The following SLC35F3 variants were observed in gnomAD, a reference collection of about 807,000 sequenced individuals.
The protein encoded by SLC35F3 is solute carrier family 35 member F3.
In SLC35F3, 25 loss-of-function variants were observed where a neutral mutation model predicts 49.9. The observed-to-expected ratio is 0.50, with a 90% CI of 0.37 to 0.70. The LOEUF is 0.70. Among genes scored for constraint, SLC35F3 ranks in the 30% least tolerant of loss-of-function variants. SLC35F3 has a pLI of 0.00. For synonymous variants in SLC35F3, 275 were observed against 265.4 expected (o/e 1.04, Z -0.35); for missense variants, 525 against 639.8 (o/e 0.82, Z 1.94).
At chr1:233,920,840 GAGCCAGCAAAAATC>G (rs149724774) in intron 2 of SLC35F3, among the ~76,000 whole-genome samples, 4,206 of 152,324 alleles carry the variant, frequency 0.028, 213 homozygotes, top group African/African-American at 0.096. Context: ...CTCTGACCAA[GAGCCAGCAAAAATC>G]TGAAGCTCTC....
chr1:234,020,401 C>A (rs975192007), intron 2 of SLC35F3, among the ~76,000 whole-genome samples: 6 of 152,200 alleles, frequency 3.9e-5, no homozygotes, highest in Admixed American at 3.3e-4. Context: ...TAGACAGAGG[C>A]AGGCTATTAT....
intron 3 of SLC35F3, among the ~76,000 whole-genome samples, chr1:234,290,559 T>A (rs1668490669): frequency 6.6e-6 from 1 of 151,916 alleles, no homozygotes; most frequent in Middle Eastern, 3.2e-3. Flanking sequence ...TGTCCTGGAG[T>A]TGGATGTCAG....
chr1:234,120,299 A>G (rs1665551612), intron 2 of SLC35F3, among the ~76,000 whole-genome samples: 1 of 152,220 alleles, frequency 6.6e-6, no homozygotes, highest in Non-Finnish European at 1.5e-5. Context: ...AAGTTAAAGT[A>G]TTGGGAGTCA....
chr1:234,022,320 ATTTAC>A (rs1016395568), intron 2 of SLC35F3, among the ~76,000 whole-genome samples: 1 of 152,194 alleles, frequency 6.6e-6, no homozygotes, highest in Non-Finnish European at 1.5e-5. Context: ...AGAGAGATAA[ATTTAC>A]TTTAAGGAAC....
intron 2 of SLC35F3, among the ~76,000 whole-genome samples, chr1:234,136,189 TTCCC>T (rs768115966): frequency 7.2e-5 from 11 of 151,744 alleles, no homozygotes; most frequent in Non-Finnish European, 1.5e-4. Flanking sequence ...CTTCCCTCCC[TTCCC>T]TCCTTTATTT....
At chr1:234,240,938 C>A (rs935199086) in intron 3 of SLC35F3, among the ~76,000 whole-genome samples, 5 of 152,182 alleles carry the variant, frequency 3.3e-5, no homozygotes, top group African/African-American at 1.2e-4. Context: ...ATTGTCATGA[C>A]CTTCCAGGAT....
chr1:234,293,981 G>A (rs1570105), intron 3 of SLC35F3, among the ~76,000 whole-genome samples: 50,008 of 152,016 alleles, frequency 0.33, 8,587 homozygotes, highest in East Asian at 0.54. Flanking sequence ...TCCACAAGTC[G>A]TTATGTCTCT....
chr1:234,268,328 G>T (rs1487101812), intron 3 of SLC35F3, among the ~76,000 whole-genome samples: 2 of 133,128 alleles, frequency 1.5e-5, no homozygotes, highest in Non-Finnish European at 3.2e-5. Context: ...GGCGGCGCGC[G>T]CCTGCAATCG....
At chr1:233,945,374 A>G (rs1662497425) in intron 2 of SLC35F3, among the ~76,000 whole-genome samples, 1 of 152,188 alleles carries the variant, frequency 6.6e-6, no homozygotes, top group African/African-American at 2.4e-5. Context: ...CATTATAACA[A>G]TAAGTGTACT....
At chr1:234,203,544 C>G (rs1177162718) in intron 2 of SLC35F3, among the ~76,000 whole-genome samples, 1 of 152,158 alleles carries the variant, frequency 6.6e-6, no homozygotes, top group Non-Finnish European at 1.5e-5. Flanking sequence ...AACCCCATCT[C>G]TACTAAAAAT....
chr1:233,948,400 A>G (rs1053118644), intron 2 of SLC35F3, among the ~76,000 whole-genome samples: 3 of 152,034 alleles, frequency 2.0e-5, no homozygotes, highest in African/African-American at 4.8e-5. Context: ...TTCCATGTCA[A>G]TCTCAGTGGT....
chr1:234,186,657 T>A (rs1666647205), intron 2 of SLC35F3, among the ~76,000 whole-genome samples: 1 of 152,212 alleles, frequency 6.6e-6, no homozygotes, highest in Admixed American at 6.5e-5. Flanking sequence ...TTGACACAAC[T>A]TGGGTCTGAT....
Position 234,183,289 on chromosome 1 carries a change from C to A in SLC35F3, c.284-48128C>A, listed in dbSNP as rs542656909. On this transcript the variant is annotated intron_variant, in intron 2 of 7. Transcript: ENST00000366618. ...CACCTCAGCCTTCAAAGTGCTGGGA[C>A]TACACGCGTGAGCCACTGCACCTGG... 1.4e-5 allele frequency among the ~76,000 whole-genome samples: 2 copies of A among 143,028 alleles called. 1 individual carries two copies. The highest frequency in any genetic ancestry group is 4.9e-4 in the South Asian group (2 of 4,084). The allele number at this position is 143,028 out of a possible 152,430, so 93.8% of individuals were successfully genotyped here.
intron 2 of SLC35F3, among the ~76,000 whole-genome samples, chr1:233,917,681 G>C (rs1356462488): frequency 6.6e-6 from 1 of 152,110 alleles, no homozygotes; most frequent in Non-Finnish European, 1.5e-5. Flanking sequence ...TTGCACTACT[G>C]TACATTATGT....
rs183361614 is a variant in SLC35F3 at position 234,297,131 on chromosome 1, G to A, written c.609-11970G>A. On this transcript the variant is annotated intron_variant, in intron 3 of 7. Transcript: ENST00000366618. Reference sequence around the variant, plus strand: ...CCACCTCACATCTGTTAGAATGGCTGCCATCATAAGCAAAAGACAACAAGT... The same window carrying A: ...CCACCTCACATCTGTTAGAATGGCTACCATCATAAGCAAAAGACAACAAGT... Among the ~76,000 whole-genome samples the A allele has an allele frequency of 2.2e-3, 330 of 152,296 alleles. 1 individual carries two copies. The highest frequency in any genetic ancestry group is 7.4e-3 in the African/African-American group (309 of 41,556).
At chr1:234,158,992 T>A (rs528478724) in intron 2 of SLC35F3, among the ~76,000 whole-genome samples, 79 of 152,328 alleles carry the variant, frequency 5.2e-4, no homozygotes, top group Non-Finnish European at 1.0e-3. Flanking sequence ...GTTGATCTGT[T>A]GAACTTTGGA....
intron 3 of SLC35F3, among the ~76,000 whole-genome samples, chr1:234,275,376 A>C (rs897469737): frequency 1.1e-4 from 16 of 152,180 alleles, no homozygotes; most frequent in African/African-American, 3.9e-4. Flanking sequence ...TCTGGTCCCA[A>C]GCATTTTGGA....
At chr1:234,134,335 G>A (rs1382464908) in intron 2 of SLC35F3, among the ~76,000 whole-genome samples, 4 of 148,378 alleles carry the variant, frequency 2.7e-5, no homozygotes, top group Non-Finnish European at 5.9e-5. Flanking sequence ...TTATACAAAT[G>A]TGTTAAATAT....
chr1:234,232,932 A>C (rs1221923160), intron 3 of SLC35F3, among the ~76,000 whole-genome samples: 1 of 152,182 alleles, frequency 6.6e-6, no homozygotes, highest in South Asian at 2.1e-4. Context: ...TTAAAATACC[A>C]ACTTGTAAAT....
Sources: allele counts gnomAD v4.1 joint callset (sites outside exome capture counted in the v4.1 genomes callset), GRCh38; gene constraint gnomAD v4.1.1; transcripts MANE v1.5; gene names NCBI Gene and HGNC (gene_info 2026-07-23, HGNC 2026-07-21).